The following SCFD1 variants were observed in gnomAD, a reference collection of about 807,000 sequenced individuals.
The protein encoded by SCFD1 is sec1 family domain-containing protein 1.
A neutral mutation model predicts 103.2 loss-of-function variants in SCFD1; 37 were observed. The observed-to-expected ratio is 0.36, with a 90% CI of 0.28 to 0.47. The LOEUF (loss-of-function observed/expected upper bound fraction) is 0.47. Ranked by LOEUF, SCFD1 falls within the 20% of genes least tolerant of loss-of-function variation. The pLI, the probability that SCFD1 is intolerant of heterozygous loss-of-function variation, is 1.00. For synonymous variants in SCFD1, 264 were observed against 245.0 expected, an observed-to-expected ratio of 1.08 and a Z score of -0.73; for missense variants, 639 against 761.2, an observed-to-expected ratio of 0.84 and a Z score of 1.89.
intron 14 of SCFD1, among the ~76,000 whole-genome samples, chr14:30,677,510 T>TA (rs2139236264): frequency 1.3e-5 from 2 of 152,308 alleles, no homozygotes; most frequent in East Asian, 3.9e-4. Context: ...AAGTTTTTTT[T>TA]ATATCCTAGA....
intron 10 of SCFD1, among the ~76,000 whole-genome samples, chr14:30,655,454 A>C (rs188969056): frequency 1.6e-4 from 24 of 152,324 alleles, no homozygotes; most frequent in Admixed American, 5.9e-4. Flanking sequence ...AAGGCCATTG[A>C]CTTTAATTTG....
At chr14:30,701,041 A>T (rs1053719619) in intron 16 of SCFD1, among the ~76,000 whole-genome samples, 3 of 152,214 alleles carry the variant, frequency 2.0e-5, no homozygotes, top group Non-Finnish European at 4.4e-5. Context: ...GTATACTTTT[A>T]CTGGATGAGC....
At chr14:30,712,650 A>G (rs927362465) in intron 19 of SCFD1, among the ~76,000 whole-genome samples, 1 of 152,204 alleles carries the variant, frequency 6.6e-6, no homozygotes, top group African/African-American at 2.4e-5. Flanking sequence ...ATTTTTGGAA[A>G]TAGATTTCTC....
chr14:30,732,096 T>C (rs1165888332), intron 23 of SCFD1, among the ~76,000 whole-genome samples: 1 of 152,182 alleles, frequency 6.6e-6, no homozygotes, highest in Non-Finnish European at 1.5e-5. Context: ...ACAAAAGGCA[T>C]TTTCTTAAGT....
In SCFD1 at chr14:30,622,407, C is replaced by G. The variant is rs1451081649; in HGVS notation, c.61+8C>G. On this transcript the variant is annotated splice_region_variant and intron_variant, in intron 1 of 24. Coordinates refer to ENST00000458591, the MANE Select transcript of SCFD1 (RefSeq NM_016106.4). ...TTCGGGAAAGGCAGACAGGTACTGA[C>G]TTATTCTCTTCTCCTTGAAGCTTCG... 4 of 1,551,836 alleles carry G rather than the reference C, an allele frequency of 2.6e-6. No individual in the cohort carries two copies. The South Asian group carries it at 4.8e-5, about 18-fold the overall frequency.
intron 9 of SCFD1, chr14:30,652,199 A>G (rs1442913520): frequency 6.6e-6 from 1 of 152,182 alleles, no homozygotes; most frequent in Admixed American, 6.5e-5. Flanking sequence ...AAATATGTAA[A>G]CAGATAGTGA....
At chr14:30,721,806 G>A (rs1279535565) in intron 21 of SCFD1, 78 bp from the exon 22 acceptor site, 2 of 1,133,324 alleles carry the variant, frequency 1.8e-6, no homozygotes, top group Non-Finnish European at 2.7e-6. Context: ...TAGTGCATGT[G>A]TGTGTATTTC....
chr14:30,734,376 G>A (rs761778609), intron 23 of SCFD1: 8 of 188,634 alleles, frequency 4.2e-5, no homozygotes, highest in Non-Finnish European at 9.0e-5. Flanking sequence ...GAGACTAAAA[G>A]CACAATCCAT....
chr14:30,649,455 A>G (rs868262833), intron 7 of SCFD1, 73 bp from the exon 8 acceptor site: 5 of 869,402 alleles, frequency 5.8e-6, no homozygotes, highest in Non-Finnish European at 9.2e-6. Context: ...GTTATTTTTG[A>G]TGCTGATGTA....
chr14:30,700,790 A>G (rs1306609694), intron 16 of SCFD1, among the ~76,000 whole-genome samples: 1 of 152,206 alleles, frequency 6.6e-6, no homozygotes, highest in Non-Finnish European at 1.5e-5. Flanking sequence ...ACATCTGACT[A>G]CTTTTAAGTT....
chr14:30,630,688 C>T (rs1441388951), intron 3 of SCFD1, 123 bp downstream of exon 3: 3 of 610,954 alleles, frequency 4.9e-6, no homozygotes, highest in Non-Finnish European at 8.5e-6. Context: ...CTTTATTCAA[C>T]CCCTTATTTC....
intron 7 of SCFD1, among the ~76,000 whole-genome samples, chr14:30,647,053 A>G (rs1885906342): frequency 6.6e-6 from 1 of 152,036 alleles, no homozygotes; most frequent in South Asian, 2.1e-4. Context: ...TATTCTTTCA[A>G]AGAAACAACT....
chr14:30,674,159 G>A (rs938282749), intron 13 of SCFD1, among the ~76,000 whole-genome samples, 162 bp downstream of exon 13: 3 of 152,030 alleles, frequency 2.0e-5, no homozygotes, highest in Non-Finnish European at 2.9e-5. Flanking sequence ...AAATGTTTAA[G>A]CCGATTTTAG....
chr14:30,679,593 G>A (rs994789336), intron 14 of SCFD1, among the ~76,000 whole-genome samples: 1 of 151,820 alleles, frequency 6.6e-6, no homozygotes, highest in East Asian at 1.9e-4. Context: ...AAGAAGTCTT[G>A]GACATAGATC....
At chr14:30,655,465 A>G (rs1886811244) in intron 10 of SCFD1, among the ~76,000 whole-genome samples, 2 of 152,328 alleles carry the variant, frequency 1.3e-5, no homozygotes, top group Admixed American at 1.3e-4. Context: ...CTTTAATTTG[A>G]TGGAAATGGG....
chr14:30,648,592 C>G (rs1471814084), intron 7 of SCFD1, among the ~76,000 whole-genome samples: 1 of 151,932 alleles, frequency 6.6e-6, no homozygotes, highest in East Asian at 1.9e-4. Context: ...TAATGTGAAA[C>G]CTGTGAGTAG....
At position 30,700,408 on chromosome 14, in the gene SCFD1, C is replaced by T. The variant is rs971190611; in HGVS notation, c.1410+150C>T. 17 of 627,630 alleles carry T rather than the reference C, an allele frequency of 2.7e-5. No homozygotes were observed. The African/African-American group carries it at 2.8e-4, about 10-fold the overall frequency. 38.9% of individuals were successfully genotyped at this position (627,630 alleles called of 1,614,324 possible). On this transcript the variant is annotated intron_variant, in intron 16 of 24. Coordinates refer to ENST00000458591, the MANE Select transcript of SCFD1 (RefSeq NM_016106.4). Reference sequence around the variant, plus strand: ...AGAAAAATGGCCAGGCGTGGTGACTCACACCTGTAATCCCAACACTTTGGG... The same window carrying T: ...AGAAAAATGGCCAGGCGTGGTGACTTACACCTGTAATCCCAACACTTTGGG...
chr14:30,660,709 C>A (rs930449003), intron 10 of SCFD1, among the ~76,000 whole-genome samples: 2 of 152,042 alleles, frequency 1.3e-5, no homozygotes, highest in African/African-American at 4.8e-5. Context: ...TTTGCAGAGA[C>A]AATCAATAAA....
In SCFD1 at chr14:30,670,238, A is replaced by T. The variant is rs1888411928; in HGVS notation, c.856-18A>T. The T allele has an allele frequency of 6.4e-7, 1 of 1,560,478 alleles. No homozygotes were observed. Among genetic ancestry groups the T allele is most frequent in the Non-Finnish European group, 8.7e-7 (1 of 1,154,958 alleles). On this transcript the variant is annotated intron_variant, in intron 10 of 24. Coordinates refer to ENST00000458591, the MANE Select transcript of SCFD1 (RefSeq NM_016106.4). Reference sequence around the variant, plus strand: ...GACTTAGAAAACAGTTGTTTAACACAAGATTACTTTTTCCTAGGATTTCCA... The same window carrying T: ...GACTTAGAAAACAGTTGTTTAACACTAGATTACTTTTTCCTAGGATTTCCA...
Sources: allele counts gnomAD v4.1 joint callset (sites outside exome capture counted in the v4.1 genomes callset), GRCh38; gene constraint gnomAD v4.1.1; transcripts MANE v1.5; gene names NCBI Gene and HGNC (gene_info 2026-07-23, HGNC 2026-07-21).